Variants in ZBTB37 observed in about 807,000 individuals in gnomAD.
ZBTB37 encodes zinc finger and BTB domain-containing protein 37.
A neutral mutation model predicts 37.7 loss-of-function variants in ZBTB37; 15 were observed. The observed-to-expected ratio is 0.40, with a 90% confidence interval of 0.27 to 0.61. The LOEUF is 0.61. Among genes scored for constraint, ZBTB37 ranks in the 20% least tolerant of loss-of-function variants. ZBTB37 has a pLI of 0.44. For synonymous variants in ZBTB37, 231 were observed against 220.6 expected, an observed-to-expected ratio of 1.05 and a Z score of -0.42; for missense variants, 514 against 641.9, an observed-to-expected ratio of 0.80 and a Z score of 2.15.
chr1:173,899,062 G>A (rs767963978), exon 4 of ZBTB37: 3 of 152,170 alleles, frequency 2.0e-5, no homozygotes, highest in Non-Finnish European at 4.4e-5. Context: ...CAGAGAATGT[G>A]AAATTCCAAA....
downstream of ZBTB37, chr1:173,887,725 T>C (rs1418023298): frequency 1.3e-5 from 2 of 152,186 alleles, no homozygotes; most frequent in Non-Finnish European, 1.5e-5. Context: ...CTTTTAAGTA[T>C]GTAATGGTTT....
At chr1:173,873,474 C>T (rs774278667) in exon 4 of ZBTB37, 1 of 1,606,376 alleles carries the variant, frequency 6.2e-7, no homozygotes, top group Non-Finnish European at 8.5e-7. Context: ...CAGATTTAGC[C>T]CCTCCGGCAG....
exon 5 of ZBTB37, chr1:173,886,212 A>G: frequency 6.8e-7 from 1 of 1,460,124 alleles, no homozygotes; most frequent in Non-Finnish European, 9.1e-7. Flanking sequence ...TAGATTCACA[A>G]AATGCCACAT....
chr1:173,875,438 G>T (rs1035532976), intron 4 of ZBTB37, among the ~76,000 whole-genome samples: 5 of 150,302 alleles, frequency 3.3e-5, no homozygotes, highest in Non-Finnish European at 7.4e-5. Flanking sequence ...CGGTTCTCCT[G>T]CCTCAACCTC....
chr1:173,870,238 G>A, exon 3 of ZBTB37: 1 of 1,611,292 alleles, frequency 6.2e-7, no homozygotes, highest in Non-Finnish European at 8.5e-7. Context: ...GGAGAAAGGT[G>A]GGAACATACA....
intron 4 of ZBTB37, among the ~76,000 whole-genome samples, chr1:173,881,913 G>C (rs1188464113): frequency 1.3e-5 from 2 of 152,064 alleles, no homozygotes; most frequent in South Asian, 2.1e-4. Flanking sequence ...TATTAGCCGG[G>C]TGTGGTGGCA....
chr1:173,886,458 C>T lies in ZBTB37; in HGVS notation c.*334C>T, dbSNP rs536106631. 175 of 271,906 alleles carry T rather than the reference C, an allele frequency of 6.4e-4. 5 individuals are homozygous for T. In the South Asian group the frequency reaches 7.7e-3, roughly 12 times the overall value. The allele number at this position is 271,906 out of a possible 1,614,324, so 16.8% of individuals were successfully genotyped here. ...CATTTATCTATCAGTCATGTTTGAA[C>T]ACTGTACTTTGGTCCATATCATCTT... On this transcript the variant is annotated 3_prime_UTR_variant, in exon 5 of 5. Transcript: ENST00000427304.
At chr1:173,881,850 C>G (rs914826139) in intron 4 of ZBTB37, among the ~76,000 whole-genome samples, 1 of 152,064 alleles carries the variant, frequency 6.6e-6, no homozygotes, top group Non-Finnish European at 1.5e-5. Context: ...GTCAGGAGAT[C>G]AAGACCATCC....
chr1:173,887,136 A>G (rs1400186264), downstream of ZBTB37: 1 of 152,210 alleles, frequency 6.6e-6, no homozygotes, highest in African/African-American at 2.4e-5. Flanking sequence ...AGGTCTCCAT[A>G]TTTGATAACT....
intron 4 of ZBTB37, among the ~76,000 whole-genome samples, chr1:173,879,489 A>G (rs997358793): frequency 2.6e-5 from 4 of 152,138 alleles, no homozygotes; most frequent in African/African-American, 9.7e-5. Flanking sequence ...GGGAAAGGAG[A>G]AAACTAAAGA....
intron 4 of ZBTB37, among the ~76,000 whole-genome samples, chr1:173,881,750 C>T (rs1457993202): frequency 6.6e-6 from 1 of 152,098 alleles, no homozygotes; most frequent in Non-Finnish European, 1.5e-5. Flanking sequence ...TCATAAATGT[C>T]TTCTTTTGAG....
At chr1:173,898,179 G>A (rs1033612681) in exon 4 of ZBTB37, 1 of 152,048 alleles carries the variant, frequency 6.6e-6, no homozygotes, top group African/African-American at 2.4e-5. Flanking sequence ...ATCTAGGTTT[G>A]GTTGGATGCA....
At chr1:173,883,109 A>G (rs765824380) in intron 4 of ZBTB37, among the ~76,000 whole-genome samples, 6 of 152,214 alleles carry the variant, frequency 3.9e-5, no homozygotes, top group African/African-American at 1.4e-4. Flanking sequence ...TTTAATTGCT[A>G]TGTAATATTA....
intron 4 of ZBTB37, among the ~76,000 whole-genome samples, chr1:173,879,757 G>A (rs530226382): frequency 1.3e-5 from 2 of 152,178 alleles, no homozygotes; most frequent in Admixed American, 6.5e-5. Context: ...TTCAAGACCA[G>A]CCTGGCCAAC....
At chr1:173,875,335 T>A (rs572973580) in intron 4 of ZBTB37, among the ~76,000 whole-genome samples, 23,510 of 147,922 alleles carry the variant, frequency 0.16, 2,482 homozygotes, top group East Asian at 0.29. Flanking sequence ...TATATATTTT[T>A]TTTTTTTTTT....
exon 4 of ZBTB37, chr1:173,901,344 G>A (rs1186453554): frequency 6.6e-6 from 1 of 151,394 alleles, no homozygotes; most frequent in African/African-American, 2.4e-5. Context: ...TAATCTGATA[G>A]CAGAACATCA....
chr1:173,898,479 G>C (rs1199204001), exon 4 of ZBTB37: 2 of 142,354 alleles, frequency 1.4e-5, no homozygotes, highest in Non-Finnish European at 3.1e-5. Flanking sequence ...AAAAAAAAAA[G>C]TCTGGGCTCA....
exon 4 of ZBTB37, chr1:173,902,400 C>G (rs1422969734): frequency 1.3e-5 from 2 of 152,166 alleles, no homozygotes; most frequent in Non-Finnish European, 2.9e-5. Flanking sequence ...GTATTTTTAG[C>G]TGTAAGAACC....
intron 4 of ZBTB37, among the ~76,000 whole-genome samples, chr1:173,878,980 A>G (rs866478647): frequency 4.4e-4 from 67 of 151,770 alleles, no homozygotes; most frequent in African/African-American, 1.6e-3. Context: ...AATCCCAGAT[A>G]CTTGGGAGGC....
Sources: allele counts gnomAD v4.1 joint callset (sites outside exome capture counted in the v4.1 genomes callset), GRCh38; gene constraint gnomAD v4.1.1; transcripts MANE v1.5; gene names NCBI Gene and HGNC (gene_info 2026-07-23, HGNC 2026-07-21).